GPC5: variants seen among roughly 807,000 people sequenced by gnomAD.
The protein encoded by GPC5 is glypican-5.
Under a neutral mutation model 53.9 loss-of-function variants are expected in GPC5, and 47 were observed. The observed-to-expected ratio is 0.87, with a 90% CI of 0.69 to 1.11. The LOEUF (loss-of-function observed/expected upper bound fraction) is 1.11, where lower values mean the gene tolerates loss of function less well. GPC5 is among the 50% of genes most tolerant of loss of function. The probability of loss-of-function intolerance (pLI) is 0.00; values close to 1 mark genes in which losing one functional copy is unlikely to be tolerated. For missense variants in GPC5, 748 were observed against 713.1 expected (o/e 1.05, Z -0.56); for synonymous variants, 286 against 263.3 (o/e 1.09, Z -0.84).
At chr13:91,821,711 T>A (rs946372470) in intron 5 of GPC5, among the ~76,000 whole-genome samples, 11 of 152,166 alleles carry the variant, frequency 7.2e-5, no homozygotes, top group African/African-American at 2.7e-4. Context: ...TTTCTTCTAA[T>A]CTATTCATAT....
chr13:91,877,146 G>T (rs781697401), intron 5 of GPC5, among the ~76,000 whole-genome samples: 1 of 152,334 alleles, frequency 6.6e-6, no homozygotes, highest in South Asian at 2.1e-4. Context: ...TGCTGCAGGG[G>T]TGGGGCCCTC....
intron 6 of GPC5, among the ~76,000 whole-genome samples, chr13:92,076,524 A>C (rs1207803962): frequency 4.6e-5 from 7 of 151,806 alleles, no homozygotes; most frequent in Non-Finnish European, 8.8e-5. Flanking sequence ...TAAAATTGGT[A>C]GCTCATTGTT....
At chr13:92,625,053 G>GA (rs1421161253) in intron 7 of GPC5, among the ~76,000 whole-genome samples, 26 of 152,082 alleles carry the variant, frequency 1.7e-4, no homozygotes, top group Non-Finnish European at 2.1e-4. Context: ...ATTATATCCA[G>GA]AAAAAATTAA....
chr13:92,243,458 C>T (rs954498056), intron 7 of GPC5, among the ~76,000 whole-genome samples: 1 of 151,918 alleles, frequency 6.6e-6, no homozygotes, highest in Non-Finnish European at 1.5e-5. Context: ...AGGACAGAGG[C>T]GTGAGCATGG....
intron 6 of GPC5, among the ~76,000 whole-genome samples, chr13:92,106,992 G>GT (rs1012370812): frequency 2.0e-5 from 3 of 151,966 alleles, no homozygotes. Context: ...TTTCAAAGGG[G>GT]TTTTTACCTA....
chr13:91,560,762 T>A (rs63621862), intron 2 of GPC5, among the ~76,000 whole-genome samples: 25,950 of 150,314 alleles, frequency 0.17, 2,348 homozygotes, highest in South Asian at 0.34. Context: ...TGATTTTTTT[T>A]AGGAAAAAAA....
At chr13:91,542,215 A>G (rs2029985246) in intron 2 of GPC5, among the ~76,000 whole-genome samples, 1 of 152,094 alleles carries the variant, frequency 6.6e-6, no homozygotes, top group Non-Finnish European at 1.5e-5. Flanking sequence ...ATGTATCAAA[A>G]TTACATGCAT....
chr13:91,622,953 A>T (rs7331112), intron 2 of GPC5, among the ~76,000 whole-genome samples: 52,393 of 151,948 alleles, frequency 0.34, 11,161 homozygotes, highest in African/African-American at 0.6. Context: ...ATACATTATC[A>T]TCTGTCTACC....
At chr13:92,534,539 G>A (rs1291716148) in intron 7 of GPC5, among the ~76,000 whole-genome samples, 1 of 152,150 alleles carries the variant, frequency 6.6e-6, no homozygotes, top group Non-Finnish European at 1.5e-5. Flanking sequence ...ATGGAAGGCA[G>A]AATCATTACC....
intron 7 of GPC5, among the ~76,000 whole-genome samples, chr13:92,849,444 C>T (rs1412940447): frequency 1.3e-5 from 2 of 152,198 alleles, no homozygotes; most frequent in African/African-American, 4.8e-5. Flanking sequence ...ATCACAATCT[C>T]TCCTGCACAA....
At chr13:91,416,124 G>C (rs1015504721) in intron 1 of GPC5, among the ~76,000 whole-genome samples, 1 of 152,016 alleles carries the variant, frequency 6.6e-6, no homozygotes, top group African/African-American at 2.4e-5. Flanking sequence ...CGCATATCCT[G>C]AGAAGTACCT....
intron 7 of GPC5, among the ~76,000 whole-genome samples, chr13:92,646,127 A>T (rs1364456844): frequency 6.6e-6 from 1 of 152,088 alleles, no homozygotes; most frequent in African/African-American, 2.4e-5. Flanking sequence ...ATTTTCTCAA[A>T]TACTTTCTGC....
At chr13:91,961,187 G>A (rs1225105034) in intron 6 of GPC5, among the ~76,000 whole-genome samples, 1 of 151,772 alleles carries the variant, frequency 6.6e-6, no homozygotes, top group Non-Finnish European at 1.5e-5. Context: ...AGAAACTGAA[G>A]TAACTAAACA....
At chr13:92,422,488 TCACACACACACA>T (rs6145177) in intron 7 of GPC5, among the ~76,000 whole-genome samples, 5,668 of 133,366 alleles carry the variant, frequency 0.042, 159 homozygotes, top group Middle Eastern at 0.08. Context: ...CATCACCATC[TCACACACACACA>T]CACACACACA....
chr13:92,485,114 A>C (rs920483145), intron 7 of GPC5, among the ~76,000 whole-genome samples: 1 of 152,178 alleles, frequency 6.6e-6, no homozygotes, highest in Admixed American at 6.5e-5. Flanking sequence ...GGTTAGAGGG[A>C]TGAAATGGAA....
intron 7 of GPC5, among the ~76,000 whole-genome samples, chr13:92,282,172 T>C (rs1342267222): frequency 6.6e-6 from 1 of 151,998 alleles, no homozygotes; most frequent in Non-Finnish European, 1.5e-5. Flanking sequence ...ATGAATGAAA[T>C]GAAGTGAGAA....
chr13:92,842,655 GTT>G (rs11331842), intron 7 of GPC5, among the ~76,000 whole-genome samples: 13,902 of 140,650 alleles, frequency 0.099, 659 homozygotes, highest in African/African-American at 0.12. Context: ...ATACATAATT[GTT>G]TTTTTTTTTT....
At chr13:92,528,820 G>A (rs1008477011) in intron 7 of GPC5, among the ~76,000 whole-genome samples, 2 of 151,558 alleles carry the variant, frequency 1.3e-5, no homozygotes, top group African/African-American at 4.8e-5. Context: ...TCTTAATAGG[G>A]TACCCATATT....
At chr13:91,820,751 C>T (rs563005049) in intron 5 of GPC5, among the ~76,000 whole-genome samples, 1 of 152,252 alleles carries the variant, frequency 6.6e-6, no homozygotes, top group Admixed American at 6.5e-5. Context: ...ATCACGAGGT[C>T]AGGAGATCGA....
Sources: allele counts gnomAD v4.1 joint callset (sites outside exome capture counted in the v4.1 genomes callset), GRCh38; gene constraint gnomAD v4.1.1; transcripts MANE v1.5; gene names NCBI Gene and HGNC (gene_info 2026-07-23, HGNC 2026-07-21).